LRRC7: variants seen among roughly 807,000 people sequenced by gnomAD.
The protein encoded by LRRC7 is leucine rich repeat containing 7, also known as leucine-rich repeat-containing protein 7.
A neutral mutation model predicts 175.7 loss-of-function variants in LRRC7; 23 were observed. The observed-to-expected ratio is 0.13, with a 90% CI of 0.09 to 0.19. The LOEUF is 0.19. Ranked by LOEUF, LRRC7 falls within the 10% of genes least tolerant of loss-of-function variation. The pLI, the probability that LRRC7 is intolerant of heterozygous loss-of-function variation, is 1.00. For missense variants in LRRC7, 1,354 were observed against 1,904.7 expected (o/e 0.71, Z 5.38); for synonymous variants, 685 against 680.9 (o/e 1.01, Z -0.09).
intron 4 of LRRC7, among the ~76,000 whole-genome samples, chr1:69,803,329 G>A (rs1676740838): frequency 6.6e-6 from 1 of 151,392 alleles, no homozygotes; most frequent in South Asian, 2.1e-4. Flanking sequence ...TTAATTGAAA[G>A]ATTAATTTGG....
chr1:69,905,008 A>G (rs1646253513), intron 7 of LRRC7, among the ~76,000 whole-genome samples: 2 of 152,164 alleles, frequency 1.3e-5, no homozygotes, highest in African/African-American at 2.4e-5. Flanking sequence ...CATTTACATC[A>G]TAGAATATTA....
intron 1 of LRRC7, among the ~76,000 whole-genome samples, chr1:69,591,113 T>C (rs1180202988): frequency 2.0e-5 from 3 of 152,088 alleles, no homozygotes; most frequent in African/African-American, 7.2e-5. Context: ...TATTAAAACA[T>C]TGATCATTGA....
intron 23 of LRRC7, among the ~76,000 whole-genome samples, chr1:70,067,528 A>G (rs1662067163): frequency 6.6e-6 from 1 of 152,120 alleles, no homozygotes; most frequent in African/African-American, 2.4e-5. Flanking sequence ...GTCTTTCTTG[A>G]TTACAACTCT....
intron 4 of LRRC7, among the ~76,000 whole-genome samples, chr1:69,801,436 A>G (rs1676476365): frequency 6.6e-6 from 1 of 151,688 alleles, no homozygotes; most frequent in African/African-American, 2.4e-5. Flanking sequence ...TTCCTGGTTC[A>G]ATATTCGGAG....
chr1:69,958,245 G>A (rs1650701701), intron 8 of LRRC7, among the ~76,000 whole-genome samples: 1 of 151,818 alleles, frequency 6.6e-6, no homozygotes, highest in Non-Finnish European at 1.5e-5. Flanking sequence ...TTTGCTATCT[G>A]CCCTTTATTG....
intron 7 of LRRC7, among the ~76,000 whole-genome samples, chr1:69,915,462 G>A (rs1462474427): frequency 6.6e-6 from 1 of 152,072 alleles, no homozygotes; most frequent in Non-Finnish European, 1.5e-5. Context: ...AAAACTTCTG[G>A]CAAAGTGTGC....
chr1:69,893,462 T>G (rs7522011), intron 7 of LRRC7, among the ~76,000 whole-genome samples: 21,704 of 152,236 alleles, frequency 0.14, 2,279 homozygotes, highest in African/African-American at 0.3. Flanking sequence ...TCATTTGGTA[T>G]GGATAATACA....
At position 70,044,027 on chromosome 1, in the gene LRRC7, G is replaced by A. The variant is rs555289682; in HGVS notation, c.4043G>A (p.Gly1348Asp). The A allele has an allele frequency of 1.4e-5, 22 of 1,613,444 alleles. No individual in the cohort carries two copies. The highest frequency in any genetic ancestry group is 2.2e-5 in the East Asian group (1 of 44,832). ...GGAGGTATTTCAGCAATGCATGCAGGCAGAAGCATGACTTTAAACTTGCAG... is the reference window on the plus strand; with the variant it reads ...GGAGGTATTTCAGCAATGCATGCAGACAGAAGCATGACTTTAAACTTGCAG... The part of the protein sequence containing the change: ...PYGGISAMHA[G>D]RSMTLNLQTK... The change falls in exon 22 of 27, where the codon GGC becomes GAC. Residue 1348 changes from glycine (G) to aspartate (D), a missense_variant. Physicochemically the swap from Gly to Asp is moderately conservative, Grantham distance 94 (BLOSUM62 -1). Around this residue, in one of 4 missense-constraint regions of LRRC7, gnomAD observed 1,032 missense variants for 1,227.2 expected, o/e 0.84. Coordinates refer to ENST00000651989, the MANE Select transcript of LRRC7 (RefSeq NM_001370785.2).
Position 70,053,182 on chromosome 1 carries a change from C to T in LRRC7, c.4230+37C>T, listed in dbSNP as rs201260256. The T allele has an allele frequency of 3.9e-5, 61 of 1,551,320 alleles. No individual in the cohort carries two copies. The East Asian group carries it at 1.1e-3, about 29-fold the overall frequency. On this transcript the variant is annotated intron_variant, in intron 23 of 26. Transcript: ENST00000651989. ...TTAATTAACAAGACAAACCATGAAC[C>T]TTGCACAATCTACTGCAATATATAA...
chr1:69,963,680 A>G (rs1330862093), intron 8 of LRRC7, among the ~76,000 whole-genome samples: 2 of 152,182 alleles, frequency 1.3e-5, no homozygotes, highest in Admixed American at 6.5e-5. Flanking sequence ...ATGAGAGTGC[A>G]TGGGTTACAT....
intron 7 of LRRC7, among the ~76,000 whole-genome samples, chr1:69,914,064 G>A (rs568690975): frequency 6.6e-6 from 1 of 152,270 alleles, no homozygotes; most frequent in African/African-American, 2.4e-5. Context: ...TTAAGAGAGA[G>A]ACATCAGACA....
At chr1:69,992,298 C>T (rs12033282) in intron 10 of LRRC7, among the ~76,000 whole-genome samples, 9,409 of 152,016 alleles carry the variant, frequency 0.062, 285 homozygotes, top group South Asian at 0.11. Context: ...TTAATGCTGA[C>T]TGCATATATG....
At chr1:69,654,860 T>C (rs1177371776) in intron 1 of LRRC7, among the ~76,000 whole-genome samples, 1 of 152,168 alleles carries the variant, frequency 6.6e-6, no homozygotes, top group Non-Finnish European at 1.5e-5. Flanking sequence ...CTGGCTGTGC[T>C]TCTCAGAAAT....
intron 8 of LRRC7, among the ~76,000 whole-genome samples, chr1:69,944,796 T>C (rs556744551): frequency 6.6e-6 from 1 of 152,012 alleles, no homozygotes; most frequent in Non-Finnish European, 1.5e-5. Flanking sequence ...TACCTGTGGG[T>C]TATTTGTATG....
chr1:70,105,072 CA>C (rs1238022483), intron 25 of LRRC7, among the ~76,000 whole-genome samples: 14 of 152,114 alleles, frequency 9.2e-5, no homozygotes, highest in Non-Finnish European at 2.1e-4. Context: ...GAGGGGCTAC[CA>C]GGGGAACTGA....
At chr1:69,924,550 T>C (rs1646998644) in intron 7 of LRRC7, among the ~76,000 whole-genome samples, 1 of 152,192 alleles carries the variant, frequency 6.6e-6, no homozygotes, top group Non-Finnish European at 1.5e-5. Context: ...TATTTTATTC[T>C]CCTTGAAGCA....
intron 4 of LRRC7, among the ~76,000 whole-genome samples, chr1:69,822,929 A>G (rs1273252845): frequency 1.3e-5 from 2 of 152,218 alleles, no homozygotes; most frequent in Non-Finnish European, 2.9e-5. Flanking sequence ...TATGTCACTG[A>G]AAATATCTTT....
At chr1:69,683,046 A>T (rs747875283) in intron 2 of LRRC7, among the ~76,000 whole-genome samples, 2 of 152,180 alleles carry the variant, frequency 1.3e-5, no homozygotes, top group Non-Finnish European at 2.9e-5. Flanking sequence ...CACTTGACAC[A>T]TTCTTGAATG....
At chr1:69,671,319 A>C (rs1165676080) in intron 1 of LRRC7, among the ~76,000 whole-genome samples, 1 of 152,130 alleles carries the variant, frequency 6.6e-6, no homozygotes, top group Non-Finnish European at 1.5e-5. Context: ...AGGGTGCCTC[A>C]TGACTTTGAC....
Sources: allele counts gnomAD v4.1 joint callset (sites outside exome capture counted in the v4.1 genomes callset), GRCh38; gene constraint gnomAD v4.1.1; regional missense constraint gnomAD v4.1.1; transcripts MANE v1.5; gene names NCBI Gene and HGNC (gene_info 2026-07-23, HGNC 2026-07-21).